ATXN7L1: variants seen among roughly 807,000 people sequenced by gnomAD.
ATXN7L1 encodes the protein ataxin-7-like protein 1.
A neutral mutation model predicts 70.8 loss-of-function variants in ATXN7L1; 15 were observed. The observed-to-expected ratio is 0.21, with a 90% CI of 0.14 to 0.33. ATXN7L1 has a LOEUF of 0.33. Among genes scored for constraint, ATXN7L1 ranks in the 10% least tolerant of loss-of-function variants. The pLI is 1.00. For missense variants in ATXN7L1, 975 were observed against 1,097.1 expected (o/e 0.89, Z 1.57); for synonymous variants, 440 against 445.1 (o/e 0.99, Z 0.14).
chr7:105,865,925 T>C (rs1264515168), intron 2 of ATXN7L1, among the ~76,000 whole-genome samples: 3 of 152,198 alleles, frequency 2.0e-5, no homozygotes, highest in East Asian at 1.9e-4. Context: ...AACTTCATTA[T>C]ACATGGAATC....
At chr7:105,739,549 A>G (rs926705462) in intron 3 of ATXN7L1, among the ~76,000 whole-genome samples, 1 of 152,184 alleles carries the variant, frequency 6.6e-6, no homozygotes, top group Non-Finnish European at 1.5e-5. Context: ...CTTCTCTAGA[A>G]ACTGGTGGAG....
intron 3 of ATXN7L1, among the ~76,000 whole-genome samples, chr7:105,785,541 C>T (rs1383148204): frequency 6.6e-6 from 1 of 152,018 alleles, no homozygotes; most frequent in Admixed American, 6.5e-5. Context: ...ACTCGGCACA[C>T]TGGCATTCTT....
chr7:105,613,832 C>G, intron 10 of ATXN7L1, 30 bp downstream of exon 10: 12 of 1,551,700 alleles, frequency 7.7e-6, no homozygotes, highest in Non-Finnish European at 1.0e-5. Context: ...CCCCCAGAGC[C>G]GGTGAAGGCG....
intron 3 of ATXN7L1, among the ~76,000 whole-genome samples, chr7:105,766,465 A>G (rs962527013): frequency 6.6e-6 from 1 of 152,202 alleles, no homozygotes; most frequent in Admixed American, 6.5e-5. Flanking sequence ...GTGGAACTAC[A>G]GACATGAGAT....
At chr7:105,835,720 A>G (rs1327130121) in intron 2 of ATXN7L1, among the ~76,000 whole-genome samples, 2 of 152,166 alleles carry the variant, frequency 1.3e-5, no homozygotes, top group Admixed American at 1.3e-4. Flanking sequence ...TCTGGCCAAC[A>G]AGAGCTTTTC....
rs573328677 is a variant in ATXN7L1, at chr7:105,864,163, T to C, written c.250+11649A>G. Among the ~76,000 whole-genome samples the C allele has an allele frequency of 2.6e-5, 4 of 152,140 alleles. No individual in the cohort carries two copies. The South Asian group carries it at 8.3e-4, about 32-fold the overall frequency. On this transcript the variant is annotated intron_variant, in intron 2 of 11. Transcript: ENST00000419735. ...AGCCACCTGAGGAGCCTGTTTAAAA[T>C]GCACGTTCCTGGTCAGGTGTGGTGG...
At chr7:105,647,224 C>A (rs759601158) in intron 4 of ATXN7L1, among the ~76,000 whole-genome samples, 1 of 152,148 alleles carries the variant, frequency 6.6e-6, no homozygotes, top group East Asian at 1.9e-4. Flanking sequence ...TGAGCTGGTA[C>A]GAGTTAACAT....
chr7:105,694,013 C>T (rs1791382722), intron 3 of ATXN7L1, among the ~76,000 whole-genome samples: 2 of 149,648 alleles, frequency 1.3e-5, no homozygotes, highest in South Asian at 4.2e-4. Context: ...AGGGATGCAG[C>T]AAGAGAGAAG....
At chr7:105,722,305 A>G (rs1032136012) in intron 3 of ATXN7L1, among the ~76,000 whole-genome samples, 2 of 152,088 alleles carry the variant, frequency 1.3e-5, no homozygotes, top group African/African-American at 2.4e-5. Context: ...GCTCATGCCT[A>G]TAATTCCAGC....
At chr7:105,822,569 T>A (rs1383317038) in intron 2 of ATXN7L1, among the ~76,000 whole-genome samples, 1 of 152,200 alleles carries the variant, frequency 6.6e-6, no homozygotes, top group African/African-American at 2.4e-5. Flanking sequence ...GTCACACAAT[T>A]GAGTTTGCAT....
intron 4 of ATXN7L1, among the ~76,000 whole-genome samples, chr7:105,653,324 G>A (rs543099387): frequency 2.6e-5 from 4 of 152,006 alleles, no homozygotes; most frequent in Middle Eastern, 3.4e-3. Flanking sequence ...GGTGTATGCC[G>A]GTAATCCCAG....
intron 4 of ATXN7L1, among the ~76,000 whole-genome samples, chr7:105,664,547 T>C: frequency 7.5e-6 from 1 of 133,014 alleles, no homozygotes; most frequent in East Asian, 2.4e-4. Context: ...ATATGTATAA[T>C]ATACATATAT....
At chr7:105,703,253 C>T (rs1324800570) in intron 3 of ATXN7L1, among the ~76,000 whole-genome samples, 5 of 149,782 alleles carry the variant, frequency 3.3e-5, no homozygotes, top group East Asian at 2.0e-4. Flanking sequence ...TGCGGTGAGC[C>T]GAGATCCCGT....
At chr7:105,639,833 G>A (rs1386080812) in intron 5 of ATXN7L1, among the ~76,000 whole-genome samples, 1 of 152,154 alleles carries the variant, frequency 6.6e-6, no homozygotes, top group Non-Finnish European at 1.5e-5. Flanking sequence ...CACAAGGCTC[G>A]GGGAATAGGG....
chr7:105,831,557 C>T (rs1585106563), intron 2 of ATXN7L1, among the ~76,000 whole-genome samples: 1 of 152,172 alleles, frequency 6.6e-6, no homozygotes, highest in Non-Finnish European at 1.5e-5. Flanking sequence ...GGTTGATAAA[C>T]TATGTCTATC....
intron 3 of ATXN7L1, among the ~76,000 whole-genome samples, chr7:105,704,584 CTT>C (rs11329205): frequency 0.072 from 6,473 of 89,644 alleles, 303 homozygotes; most frequent in South Asian, 0.21. Context: ...GGTTTTATCT[CTT>C]TTTTTTTTTT....
intron 4 of ATXN7L1, among the ~76,000 whole-genome samples, chr7:105,645,982 G>A (rs915697417): frequency 6.6e-6 from 1 of 151,526 alleles, no homozygotes; most frequent in African/African-American, 2.4e-5. Context: ...ACTCCCACCC[G>A]GGCGACAGAG....
intron 4 of ATXN7L1, among the ~76,000 whole-genome samples, chr7:105,645,766 T>G (rs1193315359): frequency 1.3e-5 from 2 of 151,622 alleles, no homozygotes; most frequent in Non-Finnish European, 2.9e-5. Context: ...TGAGCCGAGA[T>G]AGTGCCACTG....
chr7:105,743,186 A>G (rs1798207010), intron 3 of ATXN7L1, among the ~76,000 whole-genome samples: 1 of 152,156 alleles, frequency 6.6e-6, no homozygotes, highest in Non-Finnish European at 1.5e-5. Flanking sequence ...GAGGAGGGGA[A>G]GAGGTACAGG....
Sources: gnomAD v4.1 joint callset for allele counts (sites outside exome capture counted in the v4.1 genomes callset) on GRCh38, gnomAD v4.1.1 for gene constraint, MANE v1.5 for transcripts, NCBI Gene and HGNC (gene_info 2026-07-23, HGNC 2026-07-21) for gene names.